HMGXB4: variants seen among roughly 807,000 people sequenced by gnomAD.
HMGXB4 encodes the protein HMG domain-containing protein 4.
HMGXB4 carries 27 observed loss-of-function variants against 63.9 expected under a neutral mutation model. The observed-to-expected ratio is 0.42, with a 90% CI of 0.31 to 0.58. HMGXB4 has a LOEUF of 0.58. Among genes scored for constraint, HMGXB4 ranks in the 20% least tolerant of loss-of-function variants. HMGXB4 has a pLI of 0.13. For synonymous variants in HMGXB4, 264 were observed against 265.3 expected (o/e 0.99, Z 0.05); for missense variants, 624 against 700.7 (o/e 0.89, Z 1.24).
intron 1 of HMGXB4, among the ~76,000 whole-genome samples, chr22:35,261,369 G>A (rs903562130): frequency 6.6e-6 from 1 of 150,776 alleles, no homozygotes; most frequent in African/African-American, 2.4e-5. Context: ...CCGGGAGGCG[G>A]AGGTTGCAGT....
At chr22:35,268,017 G>C (rs1008367424) in intron 5 of HMGXB4, among the ~76,000 whole-genome samples, 4 of 152,232 alleles carry the variant, frequency 2.6e-5, no homozygotes. Flanking sequence ...CCAGGAGGCA[G>C]GTGCTGCAGT....
chr22:35,262,516 C>G, intron 2 of HMGXB4, 95 bp downstream of exon 2: 1 of 1,230,402 alleles, frequency 8.1e-7, no homozygotes, highest in Non-Finnish European at 1.2e-6. Flanking sequence ...GCACCACAGC[C>G]TGGACTCCCA....
At chr22:35,243,363 TC>T in the HMGXB4 span, among the ~76,000 whole-genome samples, 1 of 151,770 alleles carries the variant, frequency 6.6e-6, no homozygotes, top group Admixed American at 6.6e-5. Context: ...AGAAAGAAAC[TC>T]AGTCTAAAAG....
the HMGXB4 span, chr22:35,249,628 T>A: frequency 2.1e-4 from 20 of 96,456 alleles, 3 homozygotes; most frequent in African/African-American, 3.1e-4. Context: ...ACAATTTTTT[T>A]AAAAAAAAGA....
chr22:35,257,663 C>G (rs1169589508), intron 1 of HMGXB4, 106 bp downstream of exon 1: 1 of 152,546 alleles, frequency 6.6e-6, no homozygotes, highest in Non-Finnish European at 1.5e-5. Flanking sequence ...GACATCACCT[C>G]TGGGGTGCCC....
chr22:35,243,319 G>A, the HMGXB4 span, among the ~76,000 whole-genome samples: 32 of 152,094 alleles, frequency 2.1e-4, no homozygotes, highest in East Asian at 5.1e-3. Flanking sequence ...GCAGTGAGCC[G>A]AGATCACGCC....
chr22:35,252,042 C>T, the HMGXB4 span, among the ~76,000 whole-genome samples: 1 of 152,066 alleles, frequency 6.6e-6, no homozygotes, highest in Non-Finnish European at 1.5e-5. Context: ...TGGTGAAACC[C>T]CGACTCTATT....
intron 6 of HMGXB4, 86 bp from the exon 7 acceptor site, chr22:35,285,911 C>T: frequency 1.0e-6 from 1 of 981,986 alleles, no homozygotes; most frequent in Middle Eastern, 3.3e-4. Context: ...CTTCAAAACC[C>T]TTTTCCAGTT....
At chr22:35,263,911 A>G (rs749334364) in intron 4 of HMGXB4, 37 bp downstream of exon 4, 2 of 1,602,072 alleles carry the variant, frequency 1.2e-6, no homozygotes, top group East Asian at 4.5e-5. Flanking sequence ...GGATAAACAC[A>G]TCGCTGGTTC....
At chr22:35,285,572 A>T (rs1010669439) in intron 6 of HMGXB4, among the ~76,000 whole-genome samples, 13 of 152,142 alleles carry the variant, frequency 8.5e-5, no homozygotes, top group South Asian at 2.1e-4. Context: ...AAAAAATTTT[A>T]AAAAATTAGC....
At chr22:35,243,326 C>T in the HMGXB4 span, among the ~76,000 whole-genome samples, 4 of 151,410 alleles carry the variant, frequency 2.6e-5, no homozygotes, top group Non-Finnish European at 2.9e-5. Flanking sequence ...GCCGAGATCA[C>T]GCCATTGCAC....
intron 5 of HMGXB4, among the ~76,000 whole-genome samples, chr22:35,272,145 AT>A (rs1385325115): frequency 1.3e-5 from 2 of 152,214 alleles, no homozygotes; most frequent in Non-Finnish European, 2.9e-5. Flanking sequence ...ATACAGGGGC[AT>A]TTATATAAGA....
At chr22:35,284,393 G>T (rs1487734279) in intron 6 of HMGXB4, among the ~76,000 whole-genome samples, 2 of 152,082 alleles carry the variant, frequency 1.3e-5, no homozygotes, top group African/African-American at 4.8e-5. Flanking sequence ...TTATATTGTT[G>T]TAAAGATGCT....
At chr22:35,242,711 G>A in the HMGXB4 span, among the ~76,000 whole-genome samples, 2 of 152,034 alleles carry the variant, frequency 1.3e-5, no homozygotes, top group African/African-American at 4.8e-5. Flanking sequence ...TGAGATGGGA[G>A]CTTCAATTAT....
chr22:35,267,827 T>G (rs577876552), intron 5 of HMGXB4, among the ~76,000 whole-genome samples: 1 of 152,362 alleles, frequency 6.6e-6, no homozygotes, highest in Admixed American at 6.5e-5. Context: ...GCCCATCCTT[T>G]CATCCACCAG....
the HMGXB4 span, among the ~76,000 whole-genome samples, chr22:35,248,781 C>T: frequency 8.0e-6 from 1 of 125,110 alleles, no homozygotes; most frequent in Non-Finnish European, 1.9e-5. Context: ...GAGGATGGTG[C>T]TAAACCACTC....
intron 9 of HMGXB4, among the ~76,000 whole-genome samples, chr22:35,290,135 C>T (rs1041143654): frequency 1.3e-5 from 2 of 152,154 alleles, no homozygotes; most frequent in Non-Finnish European, 2.9e-5. Context: ...TATGACCTTA[C>T]TTATTTTTCA....
In HMGXB4 at chr22:35,260,639, C is replaced by A. The variant is rs1463815477; in HGVS notation, c.-68-1684C>A. Among the ~76,000 whole-genome samples the A allele has an allele frequency of 6.6e-5, 10 of 152,234 alleles. No individual in the cohort carries two copies. The East Asian group carries it at 1.9e-3, about 29-fold the overall frequency. ...TTCTCCAATTGAACTTTAAAACAAT[C>A]CAGTTAATATAGTTTCATTACTCTA... On this transcript the variant is annotated intron_variant, in intron 1 of 10. Coordinates refer to ENST00000216106, the MANE Select transcript of HMGXB4 (RefSeq NM_001003681.3).
At chr22:35,255,290 G>A (rs1922344140), upstream of HMGXB4, among the ~76,000 whole-genome samples, 1 of 151,930 alleles carries the variant, frequency 6.6e-6, no homozygotes, top group Admixed American at 6.6e-5. Flanking sequence ...TTGAGTCCAG[G>A]AGCTTGAGAC....
Sources: gnomAD v4.1 joint callset for allele counts (sites outside exome capture counted in the v4.1 genomes callset) on GRCh38, gnomAD v4.1.1 for gene constraint, MANE v1.5 for transcripts, NCBI Gene and HGNC (gene_info 2026-07-23, HGNC 2026-07-21) for gene names.